The following KCNIP4 variants were observed in gnomAD, a reference collection of about 807,000 sequenced individuals.
KCNIP4 encodes the protein Kv channel-interacting protein 4.
A neutral mutation model predicts 34.0 loss-of-function variants in KCNIP4; 12 were observed. That is an observed-to-expected ratio of 0.35 (90% confidence interval 0.23 to 0.57). KCNIP4 has a LOEUF of 0.57. Ranked by LOEUF, KCNIP4 falls within the 20% of genes least tolerant of loss-of-function variation. The pLI, the probability that KCNIP4 is intolerant of heterozygous loss-of-function variation, is 0.83. For synonymous variants in KCNIP4, 124 were observed against 102.2 expected (o/e 1.21, Z -1.29); for missense variants, 238 against 311.7 (o/e 0.76, Z 1.78).
chr4:21,857,440 C>T (rs1724826890), intron 1 of KCNIP4, among the ~76,000 whole-genome samples: 1 of 152,010 alleles, frequency 6.6e-6, no homozygotes, highest in Non-Finnish European at 1.5e-5. Context: ...AGGGTCTCCT[C>T]TCTGCTGAGA....
At chr4:21,468,515 G>A (rs554310724) in intron 1 of KCNIP4, among the ~76,000 whole-genome samples, 1 of 152,220 alleles carries the variant, frequency 6.6e-6, no homozygotes, top group South Asian at 2.1e-4. Flanking sequence ...AATGGTAAAC[G>A]AGCGATGATT....
At chr4:21,177,316 A>T (rs1361393280) in intron 1 of KCNIP4, among the ~76,000 whole-genome samples, 1 of 152,174 alleles carries the variant, frequency 6.6e-6, no homozygotes, top group Non-Finnish European at 1.5e-5. Context: ...TTTTAATTCA[A>T]TAAGAATAAA....
intron 1 of KCNIP4, among the ~76,000 whole-genome samples, chr4:21,749,065 A>C (rs961173150): frequency 1.3e-5 from 2 of 152,084 alleles, no homozygotes; most frequent in Non-Finnish European, 2.9e-5. Flanking sequence ...TAAATGTATA[A>C]CTCTTGATTG....
At chr4:21,578,580 T>C (rs1466871594) in intron 1 of KCNIP4, among the ~76,000 whole-genome samples, 2 of 152,074 alleles carry the variant, frequency 1.3e-5, no homozygotes, top group African/African-American at 4.8e-5. Flanking sequence ...CATCCACCCT[T>C]CTACTCAGTG....
At chr4:20,937,392 G>T (rs1731186873) in intron 1 of KCNIP4, among the ~76,000 whole-genome samples, 1 of 151,498 alleles carries the variant, frequency 6.6e-6, no homozygotes, top group South Asian at 2.1e-4. Context: ...CCGTCACCAT[G>T]CCCGGCTAGT....
chr4:21,492,276 T>A (rs2109863456), intron 1 of KCNIP4, among the ~76,000 whole-genome samples: 2 of 152,306 alleles, frequency 1.3e-5, no homozygotes, highest in South Asian at 4.2e-4. Context: ...TGGAGTGCAG[T>A]GGCATGATAA....
intron 1 of KCNIP4, among the ~76,000 whole-genome samples, chr4:21,219,704 A>G (rs1285270615): frequency 6.6e-6 from 1 of 152,194 alleles, no homozygotes; most frequent in South Asian, 2.1e-4. Context: ...CATTGAAAAA[A>G]CAGCAGGAAG....
intron 1 of KCNIP4, among the ~76,000 whole-genome samples, chr4:21,063,316 C>T (rs139097346): frequency 1.3e-5 from 2 of 152,304 alleles, no homozygotes; most frequent in East Asian, 1.9e-4. Context: ...ATCTATTCTA[C>T]ACTAAAGTTA....
chr4:21,234,073 A>G (rs1759041332), intron 1 of KCNIP4, among the ~76,000 whole-genome samples: 1 of 105,644 alleles, frequency 9.5e-6, no homozygotes, highest in Non-Finnish European at 1.6e-5. Context: ...ATAACATAAC[A>G]TAACATATAA....
At chr4:21,439,911 G>A (rs1298567660) in intron 1 of KCNIP4, among the ~76,000 whole-genome samples, 1 of 152,184 alleles carries the variant, frequency 6.6e-6, no homozygotes, top group Non-Finnish European at 1.5e-5. Context: ...CTGTTGACAA[G>A]CTATCTATTC....
intron 1 of KCNIP4, among the ~76,000 whole-genome samples, chr4:21,604,224 C>T (rs1743451961): frequency 6.6e-6 from 1 of 152,076 alleles, no homozygotes; most frequent in South Asian, 2.1e-4. Context: ...GATGTGGAGT[C>T]ATTTGCTTAA....
At chr4:20,977,817 G>T (rs1735634284) in intron 1 of KCNIP4, among the ~76,000 whole-genome samples, 1 of 152,154 alleles carries the variant, frequency 6.6e-6, no homozygotes. Flanking sequence ...GATGTAAAAT[G>T]TCACTTATCT....
chr4:20,971,158 T>A (rs1028587600), intron 1 of KCNIP4, among the ~76,000 whole-genome samples: 3 of 152,094 alleles, frequency 2.0e-5, no homozygotes, highest in Non-Finnish European at 4.4e-5. Context: ...TGGAAAATGA[T>A]GGGGAGTTTG....
At position 21,572,978 on chromosome 4, in the gene KCNIP4, C is replaced by T. The variant is rs373811854; in HGVS notation, c.61+375593G>A. Among the ~76,000 whole-genome samples the T allele has an allele frequency of 1.7e-3, 256 of 152,204 alleles. 10 individuals carry two copies. The South Asian group carries it at 0.047, about 28-fold the overall frequency. On this transcript the variant is annotated intron_variant, in intron 1 of 8. Transcript: ENST00000382152. ...ATTCTGTTCTCTCATGATCTTTTCC[C>T]TATCTCTTAGTTGTACTACAAGATT... is the stretch of plus-strand genomic sequence containing the variant.
At chr4:21,266,351 G>T (rs1015063666) in intron 1 of KCNIP4, among the ~76,000 whole-genome samples, 1 of 152,054 alleles carries the variant, frequency 6.6e-6, no homozygotes. Context: ...CTGAGGCTGA[G>T]CATTTGACTA....
At chr4:21,232,308 TTTAA>T (rs1417196605) in intron 1 of KCNIP4, among the ~76,000 whole-genome samples, 3 of 152,274 alleles carry the variant, frequency 2.0e-5, no homozygotes, top group South Asian at 2.1e-4. Flanking sequence ...TATATCATGC[TTTAA>T]TTAAGACAAA....
At chr4:20,747,513 T>C (rs1353685121) in intron 5 of KCNIP4, among the ~76,000 whole-genome samples, 1 of 152,114 alleles carries the variant, frequency 6.6e-6, no homozygotes, top group African/African-American at 2.4e-5. Context: ...AAAAGAAACA[T>C]TGTGGAGACT....
At chr4:20,789,129 G>C (rs1712391196) in intron 3 of KCNIP4, among the ~76,000 whole-genome samples, 1 of 152,022 alleles carries the variant, frequency 6.6e-6, no homozygotes. Context: ...CTATTGCCCA[G>C]AGTGGAAAAA....
chr4:20,968,019 G>A (rs1000560008), intron 1 of KCNIP4, among the ~76,000 whole-genome samples: 1 of 152,024 alleles, frequency 6.6e-6, no homozygotes, highest in Non-Finnish European at 1.5e-5. Context: ...GAAAATTTTT[G>A]CAATCTACCC....
Sources: allele counts gnomAD v4.1 joint callset (sites outside exome capture counted in the v4.1 genomes callset), GRCh38; gene constraint gnomAD v4.1.1; transcripts MANE v1.5; gene names NCBI Gene and HGNC (gene_info 2026-07-23, HGNC 2026-07-21).